Variants in FANCD2 observed in about 807,000 individuals in gnomAD.
The protein encoded by FANCD2 is FA complementation group D2.
Under a neutral mutation model 192.3 loss-of-function variants are expected in FANCD2, and 131 were observed. The ratio of observed to expected loss-of-function variants is 0.68; its 90% CI spans 0.59 to 0.79. The LOEUF (loss-of-function observed/expected upper bound fraction) is 0.79. FANCD2 is among the 30% of genes least tolerant of loss of function. FANCD2 has a pLI of 0.00. For missense variants in FANCD2, 1,508 were observed against 1,701.6 expected, an observed-to-expected ratio of 0.89 and a Z score of 2.00; for synonymous variants, 524 against 612.5, an observed-to-expected ratio of 0.86 and a Z score of 2.13.
intron 37 of FANCD2, 69 bp from the exon 38 acceptor site, chr3:10,092,112 T>G: frequency 9.5e-7 from 1 of 1,050,424 alleles, no homozygotes. Context: ...GAACTATATC[T>G]TAGTGGGAAT....
In FANCD2 at chr3:10,067,232, A is replaced by G; in HGVS notation, c.2409A>G (p.Glu803=). ...FREIVNAFCQ[E]TSPEMKGKVL... Reference sequence around the variant, plus strand: ...AGATTGTAAATGCCTTCTGCCAGGAAACATCACCTGAGATGAAGGGGAAGG... The same window carrying G: ...AGATTGTAAATGCCTTCTGCCAGGAGACATCACCTGAGATGAAGGGGAAGG... Residue 803 remains glutamate, a synonymous_variant, in exon 26 of 44, where the codon GAA becomes GAG. Transcript: ENST00000675286. 1 of 1,613,036 alleles carries G rather than the reference A, an allele frequency of 6.2e-7. No individual in the cohort carries two copies. Among genetic ancestry groups the G allele is most frequent in the Non-Finnish European group, 8.5e-7 (1 of 1,179,020 alleles).
At chr3:10,050,038 T>G (rs145138016) in intron 17 of FANCD2, among the ~76,000 whole-genome samples, 1 of 152,338 alleles carries the variant, frequency 6.6e-6, no homozygotes, top group East Asian at 1.9e-4. Context: ...GAGGCAAGGC[T>G]GGTAAGACAT....
chr3:10,043,477 CTTGTAG>C lies in FANCD2; in HGVS notation c.990-4_991del. ...AGAGTAATTTTTTTCCTCTCTGCTA[CTTGTAG>C]TTCCTCAGGAAATCAAGAAAGCAGC... On this transcript the variant is annotated splice_acceptor_variant and splice_polypyrimidine_tract_variant and intron_variant, in intron 12 of 43. Coordinates refer to ENST00000675286, the MANE Select transcript of FANCD2 (RefSeq NM_001018115.3). LOFTEE classifies it high-confidence loss of function. The C allele has an allele frequency of 6.2e-7, 1 of 1,609,974 alleles. No individual in the cohort carries two copies. The highest frequency in any genetic ancestry group is 8.5e-7 in the Non-Finnish European group (1 of 1,176,268).
At chr3:10,030,652 C>T (rs2086568869) in intron 2 of FANCD2, among the ~76,000 whole-genome samples, 1 of 152,160 alleles carries the variant, frequency 6.6e-6, no homozygotes, top group Non-Finnish European at 1.5e-5. Context: ...GTAATCCCAG[C>T]ACTTTGGGAG....
chr3:10,052,605 G>A (rs1015631239), intron 18 of FANCD2, 108 bp downstream of exon 18: 4 of 768,714 alleles, frequency 5.2e-6, no homozygotes, highest in African/African-American at 1.7e-5. Flanking sequence ...TGCAACCTCT[G>A]CCTCCTGGGT....
intron 38 of FANCD2, 124 bp downstream of exon 38, chr3:10,092,376 C>A: frequency 2.5e-6 from 2 of 799,570 alleles, no homozygotes; most frequent in South Asian, 2.7e-5. Flanking sequence ...CTCCCTGAGT[C>A]GTCTTCTTCC....
intron 40 of FANCD2, among the ~76,000 whole-genome samples, chr3:10,094,633 C>A (rs751384092): frequency 1.3e-5 from 2 of 152,042 alleles, no homozygotes; most frequent in Non-Finnish European, 2.9e-5. Context: ...ACTGCACTCT[C>A]AGGTCCTCAT....
chr3:10,071,319 A>T (rs903376320), intron 26 of FANCD2, among the ~76,000 whole-genome samples: 2 of 151,994 alleles, frequency 1.3e-5, no homozygotes, highest in African/African-American at 4.8e-5. Flanking sequence ...TCACCATATG[A>T]TCCAGGAATG....
chr3:10,099,411 C>A, intron 43 of FANCD2: 1 of 943,300 alleles, frequency 1.1e-6, no homozygotes, highest in Non-Finnish European at 1.3e-6. Context: ...TTGCTTGAGT[C>A]CGGGAGCTCA....
At chr3:10,073,054 A>T (rs1442374957) in intron 27 of FANCD2, 73 bp downstream of exon 27, 1 of 914,754 alleles carries the variant, frequency 1.1e-6, no homozygotes, top group African/African-American at 1.6e-5. Flanking sequence ...AGTTATGTGT[A>T]TCATGGCATC....
In FANCD2 at chr3:10,078,085, C is replaced by T. The variant is rs1693630625; in HGVS notation, c.2864C>T (p.Thr955Ile). Residue 955 changes from threonine (T) to isoleucine (I), a missense_variant, in exon 30 of 44, where the codon ACA becomes ATA. Physicochemically the swap from Thr to Ile is moderately conservative, Grantham distance 89. Around this residue, in one of 5 missense-constraint regions of FANCD2, gnomAD observed 796 missense variants for 879.4 expected, o/e 0.91. Transcript: ENST00000675286. The part of the protein sequence containing the change: ...ILDTEMHTEA[T>I]EVVQLGPPEL... Reference sequence around the variant, plus strand: ...ATCCTTTCCTCCATGTGACAGGCTACAGAAGTTGTGCAACTTGGGCCCCCT... The same window carrying T: ...ATCCTTTCCTCCATGTGACAGGCTATAGAAGTTGTGCAACTTGGGCCCCCT... 1 of 1,606,036 alleles carries T rather than the reference C, an allele frequency of 6.2e-7. No homozygotes were observed. The highest frequency in any genetic ancestry group is 1.3e-5 in the African/African-American group (1 of 74,716).
At position 10,041,719 on chromosome 3, in the gene FANCD2, G is replaced by C; in HGVS notation, c.783+9G>C. ...CAAACTTCCTATTGAAGGTAGAAAA[G>C]ACTCAGCTTTCCAGAAACAGAGCCA... On this transcript the variant is annotated intron_variant, in intron 10 of 43. Coordinates refer to ENST00000675286, the MANE Select transcript of FANCD2 (RefSeq NM_001018115.3). 6.2e-7 allele frequency: 1 copy of C among 1,608,540 alleles called. No individual in the cohort carries two copies. The highest frequency in any genetic ancestry group is 8.5e-7 in the Non-Finnish European group (1 of 1,175,108).
Position 10,049,486 on chromosome 3 carries a change from T to C in FANCD2, c.1526T>C (p.Met509Thr), listed in dbSNP as rs1433951230. 5 of 1,601,888 alleles carry C rather than the reference T, an allele frequency of 3.1e-6. No individual in the cohort carries two copies. Among genetic ancestry groups the C allele is most frequent in the East Asian group, 2.2e-5 (1 of 44,854 alleles). The stretch of plus-strand genomic sequence containing the variant: ...GTGTTAAACCCATCTGCTATGATGA[T>C]GAATGCTGTCTTTGTAAAGGTATCT... The part of the protein sequence containing the change: ...LVVLNPSAMM[M>T]NAVFVKGILD... The change falls in exon 17 of 44, where the codon ATG (methionine) becomes ACG (threonine). Residue 509 changes from methionine to threonine, a missense_variant. By Grantham distance (81) the Met-to-Thr change is moderately conservative. This residue lies in a region of FANCD2 where 108 missense variants were observed against 174.1 expected (regional missense o/e 0.62). Coordinates refer to ENST00000675286, the MANE Select transcript of FANCD2 (RefSeq NM_001018115.3).
At chr3:10,065,773 A>G (rs2087702207) in intron 24 of FANCD2, 91 bp from the exon 25 acceptor site, 1 of 817,760 alleles carries the variant, frequency 1.2e-6, no homozygotes, top group Admixed American at 1.9e-5. Context: ...TAAAGGGGAA[A>G]GTAAATAGCA....
chr3:10,063,947 A>C, intron 21 of FANCD2, 36 bp downstream of exon 21: 1 of 1,614,204 alleles, frequency 6.2e-7, no homozygotes, highest in South Asian at 1.1e-5. Flanking sequence ...GCAATAAAGC[A>C]TGAGAGCTGC....
intron 8 of FANCD2, 42 bp from the exon 9 acceptor site, chr3:10,039,679 C>A: frequency 6.2e-7 from 1 of 1,611,688 alleles, no homozygotes; most frequent in Non-Finnish European, 8.5e-7. Context: ...TTTCTTTATT[C>A]TGGGTAATGT....
intron 26 of FANCD2, among the ~76,000 whole-genome samples, chr3:10,072,553 TACAGGCGCGAG>T (rs1243356285): frequency 6.6e-6 from 1 of 152,256 alleles, no homozygotes; most frequent in African/African-American, 2.4e-5. Flanking sequence ...TGCTTGGGGT[TACAGGCGCGAG>T]CCACCCTGCC....
In FANCD2 at chr3:10,087,281, C is replaced by CTTTTTT. The variant is rs371321981; in HGVS notation, c.3466+31_3466+36dup. 68 of 1,310,964 alleles carry CTTTTTT rather than the reference C, an allele frequency of 5.2e-5. No homozygotes were observed. The highest frequency in any genetic ancestry group is 2.5e-4 in the South Asian group (18 of 71,752). 81.2% of individuals were successfully genotyped at this position (1,310,964 alleles called of 1,614,324 possible). ...AAAAAATTGGTGATGGGCCTAGATC[C>CTTTTTT]TTTTTTTTTTTTTTTTTTTAATGAA... On this transcript the variant is annotated intron_variant, in intron 34 of 43. Coordinates refer to ENST00000675286, the MANE Select transcript of FANCD2 (RefSeq NM_001018115.3).
intron 14 of FANCD2, among the ~76,000 whole-genome samples, chr3:10,045,981 T>C (rs1230460445): frequency 1.3e-5 from 2 of 151,944 alleles, no homozygotes; most frequent in African/African-American, 4.8e-5. Context: ...GATTGAATCT[T>C]TCTTTTAATA....
Sources: allele counts gnomAD v4.1 joint callset (sites outside exome capture counted in the v4.1 genomes callset), GRCh38; gene constraint gnomAD v4.1.1; regional missense constraint gnomAD v4.1.1; transcripts MANE v1.5; gene names NCBI Gene and HGNC (gene_info 2026-07-23, HGNC 2026-07-21).